The following PDE4B variants were observed in gnomAD, a reference collection of about 807,000 sequenced individuals.
The protein encoded by PDE4B is phosphodiesterase 4B.
Under a neutral mutation model 82.2 loss-of-function variants are expected in PDE4B, and 20 were observed. The observed-to-expected ratio is 0.24, with a 90% CI of 0.17 to 0.35. The LOEUF is 0.35. Among genes scored for constraint, PDE4B ranks in the 10% least tolerant of loss-of-function variants. The probability of loss-of-function intolerance (pLI) is 1.00; values close to 1 mark genes in which losing one functional copy is unlikely to be tolerated. For synonymous variants in PDE4B, 320 were observed against 318.9 expected, an observed-to-expected ratio of 1.00 and a Z score of -0.04; for missense variants, 655 against 907.2, an observed-to-expected ratio of 0.72 and a Z score of 3.57.
chr1:65,864,503 C>T (rs1262905093), intron 1 of PDE4B, among the ~76,000 whole-genome samples: 1 of 152,136 alleles, frequency 6.6e-6, no homozygotes, highest in African/African-American at 2.4e-5. Flanking sequence ...GATTTATCTA[C>T]CTTTGATCTT....
chr1:65,855,119 G>T (rs926504713), intron 1 of PDE4B, among the ~76,000 whole-genome samples: 1 of 149,446 alleles, frequency 6.7e-6, no homozygotes, highest in African/African-American at 2.5e-5. Context: ...TATAATATCT[G>T]CTTTTACATT....
intron 7 of PDE4B, among the ~76,000 whole-genome samples, chr1:66,326,354 A>G (rs1045420675): frequency 2.6e-5 from 4 of 152,216 alleles, no homozygotes; most frequent in African/African-American, 9.6e-5. Flanking sequence ...TGCCAACCCT[A>G]TAGAAAGCCC....
intron 3 of PDE4B, among the ~76,000 whole-genome samples, chr1:66,091,600 G>A (rs2503230): frequency 1 from 151,754 of 152,182 alleles, 75,665 homozygotes; most frequent in Middle Eastern, 1. Flanking sequence ...ACTGCCACAT[G>A]CTTAGACATA....
chr1:66,257,256 T>C (rs1557663042), intron 4 of PDE4B: 2 of 272,740 alleles, frequency 7.3e-6, no homozygotes, highest in Admixed American at 4.8e-5. Flanking sequence ...CAGACTGTTA[T>C]ACCAGTTTTT....
At chr1:66,279,340 G>A (rs1462506078) in intron 7 of PDE4B, among the ~76,000 whole-genome samples, 1 of 152,134 alleles carries the variant, frequency 6.6e-6, no homozygotes, top group Non-Finnish European at 1.5e-5. Flanking sequence ...GAGTACTTGT[G>A]TGAATAAGAC....
At chr1:65,976,261 C>G (rs1650402899) in intron 3 of PDE4B, among the ~76,000 whole-genome samples, 1 of 152,214 alleles carries the variant, frequency 6.6e-6, no homozygotes, top group Non-Finnish European at 1.5e-5. Context: ...AATGACCACC[C>G]TGCTGGATTT....
At position 66,005,098 on chromosome 1, in the gene PDE4B, C is replaced by T. The variant is rs17128211; in HGVS notation, c.281+86263C>T. On this transcript the variant is annotated intron_variant, in intron 3 of 16. Coordinates refer to ENST00000341517, the MANE Select transcript of PDE4B (RefSeq NM_002600.4). ...AAATCAAAGAGCTTGACTTAAGTGC[C>T]GCAGGTGTATTTCGGTATATGTAAA... Among the ~76,000 whole-genome samples, 615 of 152,024 alleles carry T rather than the reference C, an allele frequency of 4.0e-3. 4 individuals carry two copies. Among genetic ancestry groups the T allele is most frequent in the Middle Eastern group, 0.014 (4 of 294 alleles).
At chr1:65,844,869 T>C (rs534782486) in intron 1 of PDE4B, among the ~76,000 whole-genome samples, 91 of 152,336 alleles carry the variant, frequency 6.0e-4, no homozygotes, top group African/African-American at 1.9e-3. Context: ...TACAGAATTA[T>C]GGAGGAATTC....
intron 1 of PDE4B, among the ~76,000 whole-genome samples, chr1:65,816,569 A>G (rs1346871493): frequency 6.6e-6 from 1 of 152,176 alleles, no homozygotes; most frequent in Non-Finnish European, 1.5e-5. Flanking sequence ...AAATCTATGG[A>G]AGCAATCACA....
chr1:66,344,689 TA>T (rs1661257421), intron 8 of PDE4B, among the ~76,000 whole-genome samples: 1 of 152,212 alleles, frequency 6.6e-6, no homozygotes, highest in Non-Finnish European at 1.5e-5. Flanking sequence ...TACATTGGGT[TA>T]AAATGAGCAA....
At chr1:66,334,778 G>A (rs1370551131) in intron 8 of PDE4B, among the ~76,000 whole-genome samples, 1 of 152,176 alleles carries the variant, frequency 6.6e-6, no homozygotes, top group African/African-American at 2.4e-5. Context: ...CTCAGGTTAA[G>A]CTTGAGCATA....
At chr1:65,896,767 C>T (rs1017616614) in intron 1 of PDE4B, among the ~76,000 whole-genome samples, 9 of 152,062 alleles carry the variant, frequency 5.9e-5, no homozygotes, top group Admixed American at 3.9e-4. Flanking sequence ...TCTTATGATT[C>T]GTCCTTTTGT....
At position 65,893,458 on chromosome 1, in the gene PDE4B, CT is replaced by C. The variant is rs1231829089; in HGVS notation, c.-70-19784del. On this transcript the variant is annotated intron_variant, in intron 1 of 16. Transcript: ENST00000341517. Reference sequence around the variant, plus strand: ...ACTCCTGCAAGAAGTACACTTTACTCTTTACTCCTGCAAGAATCGCCATAAT... The same window carrying C: ...ACTCCTGCAAGAAGTACACTTTACTCTTACTCCTGCAAGAATCGCCATAAT... Among the ~76,000 whole-genome samples the C allele has an allele frequency of 7.2e-5, 11 of 152,088 alleles. No individual in the cohort carries two copies. In the East Asian group the frequency reaches 1.4e-3, roughly 19 times the overall value.
intron 7 of PDE4B, among the ~76,000 whole-genome samples, chr1:66,293,107 G>C (rs1218231179): frequency 6.6e-6 from 1 of 152,106 alleles, no homozygotes; most frequent in East Asian, 1.9e-4. Context: ...GTTTATTCAT[G>C]GACACACTAA....
At chr1:66,222,339 T>C (rs949602437) in intron 3 of PDE4B, among the ~76,000 whole-genome samples, 1 of 152,236 alleles carries the variant, frequency 6.6e-6, no homozygotes, top group African/African-American at 2.4e-5. Flanking sequence ...CTTTCTGAAC[T>C]AAGGTTGCTT....
intron 7 of PDE4B, among the ~76,000 whole-genome samples, chr1:66,327,375 A>G (rs1659815130): frequency 6.6e-6 from 1 of 152,262 alleles, no homozygotes; most frequent in Admixed American, 6.5e-5. Flanking sequence ...ACACAGACAC[A>G]CAAACACATA....
intron 1 of PDE4B, among the ~76,000 whole-genome samples, chr1:65,803,746 A>G (rs1041319968): frequency 3.3e-5 from 5 of 152,222 alleles, no homozygotes; most frequent in Non-Finnish European, 5.9e-5. Flanking sequence ...TATCTTGGAA[A>G]CAATGAGGTT....
chr1:65,816,820 C>CTTCT (rs373443479), intron 1 of PDE4B, among the ~76,000 whole-genome samples: 1,682 of 152,120 alleles, frequency 0.011, 32 homozygotes, highest in African/African-American at 0.039. Flanking sequence ...TTGTAAGCAG[C>CTTCT]TTCTATGTAA....
At chr1:66,095,236 A>G (rs1278901279) in intron 3 of PDE4B, among the ~76,000 whole-genome samples, 2 of 151,958 alleles carry the variant, frequency 1.3e-5, no homozygotes, top group East Asian at 1.9e-4. Context: ...TATACTTGCT[A>G]TTATAGCTTG....
Sources: allele counts gnomAD v4.1 joint callset (sites outside exome capture counted in the v4.1 genomes callset), GRCh38; gene constraint gnomAD v4.1.1; transcripts MANE v1.5; gene names NCBI Gene and HGNC (gene_info 2026-07-23, HGNC 2026-07-21).